Variants in ZEB2 observed in about 807,000 individuals in gnomAD.
ZEB2 encodes the protein zinc finger E-box binding homeobox 2.
Under a neutral mutation model 99.9 loss-of-function variants are expected in ZEB2, and 6 were observed. The ratio of observed to expected loss-of-function variants is 0.06; its 90% CI spans 0.03 to 0.12. ZEB2 has a LOEUF of 0.12. ZEB2 is among the 10% of genes least tolerant of loss of function. The pLI, the probability that ZEB2 is intolerant of heterozygous loss-of-function variation, is 1.00. For synonymous variants in ZEB2, 517 were observed against 542.5 expected (o/e 0.95, Z 0.65); for missense variants, 969 against 1,502.8 (o/e 0.64, Z 5.87).
intron 2 of ZEB2, chr2:144,515,987 C>T (rs1316206931): frequency 6.6e-6 from 1 of 152,156 alleles, no homozygotes; most frequent in Admixed American, 6.5e-5. Context: ...CAAGTGGGCC[C>T]GGGCGGTCCC....
chr2:144,409,923 T>G (rs1296445144), intron 4 of ZEB2, among the ~76,000 whole-genome samples: 1 of 151,534 alleles, frequency 6.6e-6, no homozygotes. Context: ...GTTTTTTTTT[T>G]TTTTTTGAGA....
chr2:144,508,535 C>A (rs1704983202), intron 2 of ZEB2, among the ~76,000 whole-genome samples: 1 of 152,078 alleles, frequency 6.6e-6, no homozygotes, highest in Non-Finnish European at 1.5e-5. Context: ...ATAAGGCAAT[C>A]TTATTTAAGC....
chr2:144,431,230 A>G (rs982952915), intron 2 of ZEB2, among the ~76,000 whole-genome samples: 3 of 152,228 alleles, frequency 2.0e-5, no homozygotes, highest in African/African-American at 7.2e-5. Context: ...CTATCGGATT[A>G]TACAAAAGTG....
intron 2 of ZEB2, 92 bp downstream of exon 2, chr2:144,517,186 C>T (rs1705167479): frequency 6.4e-7 from 1 of 1,555,420 alleles, no homozygotes; most frequent in African/African-American, 1.4e-5. Flanking sequence ...GCCGCCGCCG[C>T]CGCCTCGGTT....
chr2:144,471,791 GT>G (rs77650375), intron 2 of ZEB2, among the ~76,000 whole-genome samples: 13,400 of 143,940 alleles, frequency 0.093, 753 homozygotes, highest in African/African-American at 0.16. Context: ...AATCACTTGT[GT>G]TTTTTTTTTT....
Position 144,401,287 on chromosome 2 carries a change from T to C in ZEB2, c.828A>G (p.Gly276=), listed in dbSNP as rs1161704021. Residue 276 remains glycine, a synonymous_variant, in exon 7 of 10, where the codon GGA becomes GGG. Transcript: ENST00000627532. ...GTDQHQMLTQ[G]AGNRKFKCTE... ...TGCATTTGAACTTGCGATTACCTGC[T>C]CCTTGGGTTAGCATTTGGTGCTATA... 11 of 1,614,052 alleles carry C rather than the reference T, an allele frequency of 6.8e-6. No individual in the cohort carries two copies. The Admixed American group carries it at 1.7e-4, about 24-fold the overall frequency.
At chr2:144,510,231 A>T (rs970562002) in intron 2 of ZEB2, among the ~76,000 whole-genome samples, 1 of 151,856 alleles carries the variant, frequency 6.6e-6, no homozygotes, top group African/African-American at 2.4e-5. Flanking sequence ...ATAAAAAGTC[A>T]GGGGGAAAAA....
chr2:144,506,545 G>A (rs1289577588), intron 2 of ZEB2, among the ~76,000 whole-genome samples: 2 of 152,078 alleles, frequency 1.3e-5, no homozygotes, highest in Non-Finnish European at 2.9e-5. Flanking sequence ...AGAAACTTAG[G>A]TACTTCCAAG....
chr2:144,451,752 G>A (rs1283242007), intron 2 of ZEB2, among the ~76,000 whole-genome samples: 3 of 152,132 alleles, frequency 2.0e-5, no homozygotes, highest in East Asian at 3.9e-4. Context: ...ATTCAAATAA[G>A]CCTTCTATTT....
chr2:144,389,001 A>C lies in ZEB2; in HGVS notation c.*450T>G. ...TACAGAGGAATCATAATACTGATGCATTGTAGTGCGAGCACATTAAATTAA... is the reference window on the plus strand; with the variant it reads ...TACAGAGGAATCATAATACTGATGCCTTGTAGTGCGAGCACATTAAATTAA... On this transcript the variant is annotated 3_prime_UTR_variant, in exon 10 of 10. Transcript: ENST00000627532. The surrounding 1 kb of genome is among the most constrained non-coding windows in gnomAD (Gnocchi z 6.8). 1 of 420,218 alleles carries C rather than the reference A, an allele frequency of 2.4e-6. No individual in the cohort carries two copies. The highest frequency in any genetic ancestry group is 6.4e-5 in the East Asian group (1 of 15,596). 26.0% of individuals were successfully genotyped at this position (420,218 alleles called of 1,614,324 possible). A position where few individuals can be genotyped will look rare whatever the true frequency, so the allele number is the denominator to read the frequency against.
At chr2:144,483,021 C>T (rs140929400) in intron 2 of ZEB2, among the ~76,000 whole-genome samples, 1 of 151,884 alleles carries the variant, frequency 6.6e-6, no homozygotes, top group African/African-American at 2.4e-5. Context: ...CTTCATTCAA[C>T]TTAGAAAACA....
intron 6 of ZEB2, among the ~76,000 whole-genome samples, chr2:144,403,600 TA>T (rs745637597): frequency 7.9e-5 from 12 of 152,208 alleles, no homozygotes; most frequent in Non-Finnish European, 1.5e-4. Context: ...CTGAGATGTT[TA>T]ATAATGTATA....
chr2:144,461,224 G>A (rs1234834732), intron 2 of ZEB2: 3 of 151,598 alleles, frequency 2.0e-5, no homozygotes, highest in Non-Finnish European at 4.4e-5. Flanking sequence ...ATTACCTAAG[G>A]TGAGCCCTCC....
intron 2 of ZEB2, among the ~76,000 whole-genome samples, chr2:144,473,639 C>T (rs1395560469): frequency 6.6e-6 from 1 of 151,932 alleles, no homozygotes. Flanking sequence ...TAAGGGACTG[C>T]TAGAGAACAG....
intron 2 of ZEB2, among the ~76,000 whole-genome samples, chr2:144,467,415 T>C (rs1704288297): frequency 1.3e-5 from 2 of 152,082 alleles, no homozygotes; most frequent in Admixed American, 6.6e-5. Flanking sequence ...TTCTTCACCT[T>C]TTTGGAGGCG....
intron 4 of ZEB2, among the ~76,000 whole-genome samples, chr2:144,419,251 A>T (rs993924054): frequency 2.6e-5 from 4 of 152,204 alleles, no homozygotes; most frequent in African/African-American, 9.6e-5. Context: ...GAATACTGGA[A>T]ACAAGTTTGA....
At chr2:144,515,760 C>G (rs758319898) in intron 2 of ZEB2, among the ~76,000 whole-genome samples, 3 of 147,764 alleles carry the variant, frequency 2.0e-5, no homozygotes, top group Non-Finnish European at 4.5e-5. Flanking sequence ...GCAAAAGACA[C>G]ACACACGCAC....
At chr2:144,437,541 C>T (rs988763310) in intron 2 of ZEB2, among the ~76,000 whole-genome samples, 2 of 152,098 alleles carry the variant, frequency 1.3e-5, no homozygotes, top group Non-Finnish European at 2.9e-5. Context: ...AAAATATGCT[C>T]ACTATCATGC....
rs576377996 is a variant in ZEB2 at position 144,427,675 on chromosome 2, T to C, written c.331+2094A>G. 30 of 152,252 alleles carry C rather than the reference T, an allele frequency of 2.0e-4. No homozygotes were observed. The South Asian group carries it at 4.8e-3, about 24-fold the overall frequency. The allele number at this position is 152,252 out of a possible 1,614,324, so 9.4% of individuals were successfully genotyped here. A position where few individuals can be genotyped will look rare whatever the true frequency, so the allele number is the denominator to read the frequency against. ...TCAAGGCACCACATCAGAGCACTTT[T>C]AGAACAATAAAAAAAAAGAACAATA... On this transcript the variant is annotated intron_variant, in intron 3 of 9. Coordinates refer to ENST00000627532, the MANE Select transcript of ZEB2 (RefSeq NM_014795.4).
Sources: allele counts gnomAD v4.1 joint callset (sites outside exome capture counted in the v4.1 genomes callset), GRCh38; gene constraint gnomAD v4.1.1; non-coding constraint Gnocchi (gnomAD v3.1); transcripts MANE v1.5; gene names NCBI Gene and HGNC (gene_info 2026-07-23, HGNC 2026-07-21).